The following C1orf87 variants were observed in gnomAD, a reference collection of about 807,000 sequenced individuals.
C1orf87 encodes chromosome 1 open reading frame 87.
C1orf87 carries 58 observed loss-of-function variants against 60.5 expected under a neutral mutation model. The observed-to-expected ratio is 0.96, with a 90% CI of 0.78 to 1.19. C1orf87 has a LOEUF of 1.19. Among genes scored for constraint, C1orf87 ranks in the 50% most tolerant of loss-of-function variants. The pLI, the probability that C1orf87 is intolerant of heterozygous loss-of-function variation, is 0.00. For missense variants in C1orf87, 673 were observed against 638.6 expected (o/e 1.05, Z -0.58); for synonymous variants, 236 against 227.4 (o/e 1.04, Z -0.34).
chr1:60,000,971 T>C (rs1212965009), intron 10 of C1orf87, 106 bp downstream of exon 10: 1 of 902,388 alleles, frequency 1.1e-6, no homozygotes, highest in Non-Finnish European at 1.7e-6. Context: ...ATCAAGGGTT[T>C]GGGAGAAAAT....
At position 59,992,259 on chromosome 1, in the gene C1orf87, T is replaced by A. The variant is rs968502904; in HGVS notation, c.1481-1426A>T. ...ATTTATTTATTTATTTATTTATTTATTTATTTTTTATTTTGAGACAGGGTC... is the reference window on the plus strand; with the variant it reads ...ATTTATTTATTTATTTATTTATTTAATTATTTTTTATTTTGAGACAGGGTC... On this transcript the variant is annotated intron_variant, in intron 11 of 11. Transcript: ENST00000371201. Among the ~76,000 whole-genome samples the A allele has an allele frequency of 2.8e-5, 4 of 143,984 alleles. No individual in the cohort carries two copies. In the East Asian group the frequency reaches 8.7e-4, roughly 31 times the overall value. 94.5% of individuals were successfully genotyped at this position (143,984 alleles called of 152,430 possible). A position where few individuals can be genotyped will look rare whatever the true frequency, so the allele number is the denominator to read the frequency against.
intron 5 of C1orf87, among the ~76,000 whole-genome samples, chr1:60,039,182 A>G (rs1336032157): frequency 6.6e-6 from 1 of 152,144 alleles, no homozygotes; most frequent in Non-Finnish European, 1.5e-5. Flanking sequence ...AGATGGTGGG[A>G]TTAAGATTAA....
chr1:60,018,328 G>A (rs1264939835), intron 8 of C1orf87, among the ~76,000 whole-genome samples: 1 of 152,142 alleles, frequency 6.6e-6, no homozygotes, highest in Non-Finnish European at 1.5e-5. Context: ...TAGTTCTTAT[G>A]GTTGTGATAT....
chr1:60,022,438 T>C (rs926633593), intron 8 of C1orf87, among the ~76,000 whole-genome samples: 7 of 152,120 alleles, frequency 4.6e-5, no homozygotes, highest in African/African-American at 1.4e-4. Flanking sequence ...CCAGGCCCAG[T>C]TGGGTTCACT....
chr1:60,047,160 A>G (rs1645378034), intron 3 of C1orf87, among the ~76,000 whole-genome samples: 1 of 152,190 alleles, frequency 6.6e-6, no homozygotes, highest in South Asian at 2.1e-4. Flanking sequence ...TCCCTTCATC[A>G]ACTATTACTT....
At chr1:60,035,027 C>G (rs940469480) in intron 6 of C1orf87, among the ~76,000 whole-genome samples, 3 of 151,632 alleles carry the variant, frequency 2.0e-5, no homozygotes, top group Non-Finnish European at 4.4e-5. Flanking sequence ...AAGTTTGGTA[C>G]AGAGAAGGAA....
At chr1:60,052,880 C>A (rs1435658483) in intron 3 of C1orf87, among the ~76,000 whole-genome samples, 1 of 152,220 alleles carries the variant, frequency 6.6e-6, no homozygotes, top group Non-Finnish European at 1.5e-5. Context: ...GGCGGGCCAG[C>A]ACCACACGCC....
At chr1:60,053,859 C>A (rs949332742) in intron 3 of C1orf87, among the ~76,000 whole-genome samples, 4 of 152,228 alleles carry the variant, frequency 2.6e-5, no homozygotes, top group Admixed American at 2.6e-4. Flanking sequence ...GTCACTTTAT[C>A]CTTTCTGAGT....
intron 4 of C1orf87, 108 bp from the exon 5 acceptor site, chr1:60,040,288 A>C: frequency 7.1e-7 from 1 of 1,400,700 alleles, no homozygotes; most frequent in Non-Finnish European, 9.6e-7. Flanking sequence ...GTCCACTCGC[A>C]GTCCTGGCCT....
chr1:60,046,110 TTCC>T (rs1394347400), intron 3 of C1orf87, among the ~76,000 whole-genome samples: 1 of 150,452 alleles, frequency 6.6e-6, no homozygotes, highest in African/African-American at 2.4e-5. Flanking sequence ...TTTTCCTCCT[TTCC>T]TCTTTTCCTT....
chr1:60,048,948 T>A (rs1019165739), intron 3 of C1orf87, among the ~76,000 whole-genome samples: 1 of 152,092 alleles, frequency 6.6e-6, no homozygotes, highest in Non-Finnish European at 1.5e-5. Context: ...GTACTCCATG[T>A]ATGGATGTAC....
chr1:60,012,675 A>T (rs918963815), intron 8 of C1orf87, among the ~76,000 whole-genome samples: 1 of 152,140 alleles, frequency 6.6e-6, no homozygotes, highest in Non-Finnish European at 1.5e-5. Flanking sequence ...CTGATTCTAG[A>T]TTCAGGCAGA....
At chr1:60,069,105 T>C (rs926233910) in intron 2 of C1orf87, among the ~76,000 whole-genome samples, 5 of 152,186 alleles carry the variant, frequency 3.3e-5, no homozygotes, top group African/African-American at 1.2e-4. Context: ...CAGAAATGCA[T>C]AGGAAGTTGT....
rs2100276766 is a variant in C1orf87, at chr1:60,026,094, T to C, written c.1030-596A>G. Among the ~76,000 whole-genome samples, 2 of 152,322 alleles carry C rather than the reference T, an allele frequency of 1.3e-5. 1 individual carries two copies. The highest frequency in any genetic ancestry group is 4.1e-4 in the South Asian group (2 of 4,828). On this transcript the variant is annotated intron_variant, in intron 7 of 11. Coordinates refer to ENST00000371201, the MANE Select transcript of C1orf87 (RefSeq NM_152377.3). ...AGTTCATAATATGTTCTAAATCTTGTTCTGAACTAGTACAAACCAGTTCAG... is the reference window on the plus strand; with the variant it reads ...AGTTCATAATATGTTCTAAATCTTGCTCTGAACTAGTACAAACCAGTTCAG...
At chr1:60,007,559 G>A (rs1193700392) in intron 9 of C1orf87, among the ~76,000 whole-genome samples, 1 of 152,010 alleles carries the variant, frequency 6.6e-6, no homozygotes, top group African/African-American at 2.4e-5. Flanking sequence ...AAGAGATTTT[G>A]TATGATACCT....
chr1:60,028,730 C>T (rs113775283), intron 7 of C1orf87, among the ~76,000 whole-genome samples: 15 of 152,172 alleles, frequency 9.9e-5, no homozygotes, highest in Middle Eastern at 6.8e-3. Flanking sequence ...TAGGAACCTC[C>T]GTGGTTTTAA....
chr1:60,018,142 A>C (rs1645136581), intron 8 of C1orf87, among the ~76,000 whole-genome samples: 1 of 152,236 alleles, frequency 6.6e-6, no homozygotes, highest in African/African-American at 2.4e-5. Flanking sequence ...TACTAAAATA[A>C]TGATTCGTGC....
At chr1:60,035,443 C>T (rs1645269073) in intron 6 of C1orf87, among the ~76,000 whole-genome samples, 1 of 152,172 alleles carries the variant, frequency 6.6e-6, no homozygotes, top group Admixed American at 6.5e-5. Flanking sequence ...GCTGTTGCCA[C>T]CCCTACTGCC....
chr1:60,015,737 C>A (rs1645120357), intron 8 of C1orf87, among the ~76,000 whole-genome samples: 1 of 152,132 alleles, frequency 6.6e-6, no homozygotes, highest in African/African-American at 2.4e-5. Context: ...CTCATTTTAA[C>A]TCAGTTATCA....
Sources: gnomAD v4.1 joint callset for allele counts (sites outside exome capture counted in the v4.1 genomes callset) on GRCh38, gnomAD v4.1.1 for gene constraint, MANE v1.5 for transcripts, NCBI Gene and HGNC (gene_info 2026-07-23, HGNC 2026-07-21) for gene names.